The following TCF24 variants were observed in gnomAD, a reference collection of about 807,000 sequenced individuals.
The protein encoded by TCF24 is transcription factor 24.
A neutral mutation model predicts 9.3 loss-of-function variants in TCF24; 5 were observed. The observed-to-expected ratio is 0.54, with a 90% CI of 0.28 to 1.13. TCF24 has a LOEUF of 1.13. Ranked by LOEUF, TCF24 falls within the 50% of genes most tolerant of loss-of-function variation. The probability of loss-of-function intolerance (pLI) is 0.09; values close to 1 mark genes in which losing one functional copy is unlikely to be tolerated. For synonymous variants in TCF24, 110 were observed against 115.8 expected, an observed-to-expected ratio of 0.95 and a Z score of 0.32; for missense variants, 220 against 236.1, an observed-to-expected ratio of 0.93 and a Z score of 0.45.
chr8:66,959,755 T>TA (rs540336274), intron 3 of TCF24, among the ~76,000 whole-genome samples: 1 of 152,184 alleles, frequency 6.6e-6, no homozygotes, highest in Non-Finnish European at 1.5e-5. Flanking sequence ...TAATTTCATT[T>TA]AAAAAAATAA....
At chr8:66,959,660 A>T (rs1304682863) in intron 3 of TCF24, among the ~76,000 whole-genome samples, 1 of 152,274 alleles carries the variant, frequency 6.6e-6, no homozygotes, top group Non-Finnish European at 1.5e-5. Context: ...TCACTCCCCT[A>T]AAATAGTGCT....
At chr8:66,956,000 A>G (rs111696274) in intron 3 of TCF24, among the ~76,000 whole-genome samples, 5,472 of 152,082 alleles carry the variant, frequency 0.036, 205 homozygotes, top group African/African-American at 0.083. Context: ...TGGTGTGATC[A>G]TGGCTCACTG....
chr8:66,953,669 T>C (rs1484704814), intron 3 of TCF24, among the ~76,000 whole-genome samples: 2 of 152,156 alleles, frequency 1.3e-5, no homozygotes, highest in Non-Finnish European at 2.9e-5. Flanking sequence ...GAAGTTCTCC[T>C]GGATAATATC....
chr8:66,961,594 C>T lies in TCF24; in HGVS notation c.172G>A (p.Glu58Lys). ...GRPAAANAAR[E>K]RSRVQTLRHA... ...CGCAGGGTCTGCACCCGGCTGCGCT[C>T]CCGCGCCGCATTCGCCGCCGCCGGC... Residue 58 changes from glutamate to lysine, a missense_variant, in exon 3 of 4, where the codon GAG (glutamate) becomes AAG (lysine). Glu to Lys is a moderately conservative substitution (Grantham distance 56, BLOSUM62 1). Transcript: ENST00000563496. 1 of 1,332,360 alleles carries T rather than the reference C, an allele frequency of 7.5e-7. No homozygotes were observed. The highest frequency in any genetic ancestry group is 9.6e-7 in the Non-Finnish European group (1 of 1,041,576). 82.5% of individuals were successfully genotyped at this position (1,332,360 alleles called of 1,614,324 possible).
At chr8:66,948,479 A>G (rs1297790841) in intron 3 of TCF24, among the ~76,000 whole-genome samples, 1 of 152,242 alleles carries the variant, frequency 6.6e-6, no homozygotes, top group African/African-American at 2.4e-5. Flanking sequence ...TAATGTTTTA[A>G]TTTTAAACTA....
intron 3 of TCF24, among the ~76,000 whole-genome samples, chr8:66,960,249 T>C (rs1008526190): frequency 2.0e-5 from 3 of 152,314 alleles, no homozygotes; most frequent in East Asian, 3.9e-4. Flanking sequence ...ATATTTAATA[T>C]TGAAATCATT....
chr8:66,948,241 A>G (rs1215692255), intron 3 of TCF24, 77 bp from the exon 4 acceptor site: 2 of 970,828 alleles, frequency 2.1e-6, no homozygotes, highest in Non-Finnish European at 2.9e-6. Flanking sequence ...AATGTTAAAG[A>G]TTGTAAATAG....
Position 66,961,980 on chromosome 8 carries a change from T to A in TCF24, c.-127A>T. On this transcript the variant is annotated 5_prime_UTR_variant, in exon 2 of 4. Coordinates refer to ENST00000563496, the MANE Select transcript of TCF24 (RefSeq NM_001193502.2). Reference sequence around the variant, plus strand: ...GAGAGTTGCGGAACTCCGGAGTTCTTGGGCTTCCTAGAAGGATAAGAAGAG... The same window carrying A: ...GAGAGTTGCGGAACTCCGGAGTTCTAGGGCTTCCTAGAAGGATAAGAAGAG... 1 of 218,058 alleles carries A rather than the reference T, an allele frequency of 4.6e-6. No homozygotes were observed. Among genetic ancestry groups the A allele is most frequent in the Non-Finnish European group, 8.2e-6 (1 of 121,888 alleles). 13.5% of individuals were successfully genotyped at this position (218,058 alleles called of 1,614,324 possible).
In TCF24 at chr8:66,947,885, T is replaced by C. The variant is rs572039270; in HGVS notation, c.*166A>G. On this transcript the variant is annotated 3_prime_UTR_variant, in exon 4 of 4. Coordinates refer to ENST00000563496, the MANE Select transcript of TCF24 (RefSeq NM_001193502.2). ...ATAAGCTGTGTGTTTTATATAACAC[T>C]GATTATTTCATTCCACATTTAGACA... The C allele has an allele frequency of 3.5e-4, 184 of 530,074 alleles. 4 individuals carry two copies. In the South Asian group the frequency reaches 5.2e-3, roughly 15 times the overall value. 32.8% of individuals were successfully genotyped at this position (530,074 alleles called of 1,614,324 possible).
At chr8:66,955,122 G>C (rs116000584) in intron 3 of TCF24, 5,480 of 152,440 alleles carry the variant, frequency 0.036, 208 homozygotes, top group African/African-American at 0.083. Context: ...TCCTCCCCTC[G>C]ACATCATCTA....
chr8:66,957,098 C>A (rs1309721045), intron 3 of TCF24, among the ~76,000 whole-genome samples: 1 of 99,528 alleles, frequency 1.0e-5, no homozygotes, highest in African/African-American at 4.1e-5. Context: ...GACGACAGAG[C>A]AAGACTCCGT....
intron 3 of TCF24, among the ~76,000 whole-genome samples, chr8:66,952,642 G>T (rs1212005832): frequency 1.3e-5 from 2 of 148,728 alleles, no homozygotes; most frequent in African/African-American, 2.5e-5. Flanking sequence ...TCAATTCCTG[G>T]GTATCCTTGT....
Position 66,961,723 on chromosome 8 carries a change from C to T in TCF24, c.43G>A (p.Ala15Thr). The T allele has an allele frequency of 1.8e-6, 2 of 1,105,052 alleles. No homozygotes were observed. Among genetic ancestry groups the T allele is most frequent in the Non-Finnish European group, 2.2e-6 (2 of 907,550 alleles). The allele number at this position is 1,105,052 out of a possible 1,614,324, so 68.5% of individuals were successfully genotyped here. ...GCGGCGGCCAGGGGCGCGGGCTCGG[C>T]GCTGGCGCTGAGGGGGCTGCCCGCT... ...RPAGSPLSASAEPAPLAAAIR... is the reference protein window; with the variant it reads ...RPAGSPLSASTEPAPLAAAIR... Residue 15 changes from alanine (A) to threonine (T), a missense_variant, in exon 3 of 4, where the codon GCC (alanine) becomes ACC (threonine). Transcript: ENST00000563496.
At chr8:66,951,070 GA>G (rs574968683) in intron 3 of TCF24, among the ~76,000 whole-genome samples, 2,352 of 142,916 alleles carry the variant, frequency 0.016, 11 homozygotes, top group South Asian at 0.04. Flanking sequence ...TTTCCTAATT[GA>G]ATACCCTTTA....
intron 3 of TCF24, among the ~76,000 whole-genome samples, chr8:66,948,660 T>TATCC (rs1262324572): frequency 8.1e-6 from 1 of 123,910 alleles, no homozygotes; most frequent in African/African-American, 3.0e-5. Context: ...GTCAACTATC[T>TATCC]ATCTATCTAT....
intron 3 of TCF24, among the ~76,000 whole-genome samples, chr8:66,957,968 G>T (rs1814189501): frequency 6.7e-6 from 1 of 150,034 alleles, no homozygotes; most frequent in Non-Finnish European, 1.5e-5. Flanking sequence ...ACAAATGAAG[G>T]CGTCTATTTC....
chr8:66,955,284 T>A (rs1236719475), intron 3 of TCF24, among the ~76,000 whole-genome samples: 1 of 151,720 alleles, frequency 6.6e-6, no homozygotes, highest in Admixed American at 6.6e-5. Context: ...TCTTTCAGAA[T>A]AAAACTCTTT....
intron 3 of TCF24, among the ~76,000 whole-genome samples, chr8:66,951,771 C>A (rs1171013509): frequency 2.0e-5 from 3 of 151,994 alleles, no homozygotes; most frequent in Non-Finnish European, 4.4e-5. Flanking sequence ...ACACTTTCAG[C>A]TCCTGTTATT....
In TCF24 at chr8:66,961,451, C is replaced by T. The variant is rs754517346; in HGVS notation, c.315G>A (p.Leu105=). 16 of 1,527,902 alleles carry T rather than the reference C, an allele frequency of 1.0e-5. No individual in the cohort carries two copies. Among genetic ancestry groups the T allele is most frequent in the Non-Finnish European group, 1.4e-5 (16 of 1,143,942 alleles). The allele number at this position is 1,527,902 out of a possible 1,614,324, so 94.6% of individuals were successfully genotyped here. A position where few individuals can be genotyped will look rare whatever the true frequency, so the allele number is the denominator to read the frequency against. The change falls in exon 3 of 4, where the codon CTG becomes CTA. Residue 105 remains leucine (L), a synonymous_variant. Coordinates refer to ENST00000563496, the MANE Select transcript of TCF24 (RefSeq NM_001193502.2). ...CCGCCGGCGCCTCGGCGTCGTCCTGCAGGCTGCGGGTGAGATGCGCGATGT... is the reference window on the plus strand; with the variant it reads ...CCGCCGGCGCCTCGGCGTCGTCCTGTAGGCTGCGGGTGAGATGCGCGATGT... ...TTYIAHLTRS[L]QDDAEAPADA...
Sources: allele counts gnomAD v4.1 joint callset (sites outside exome capture counted in the v4.1 genomes callset), GRCh38; gene constraint gnomAD v4.1.1; transcripts MANE v1.5; gene names NCBI Gene and HGNC (gene_info 2026-07-23, HGNC 2026-07-21).